Variants in OR6C75 observed in about 807,000 individuals in gnomAD.
The protein encoded by OR6C75 is olfactory receptor family 6 subfamily C member 75.
For missense variants in OR6C75, 380 were observed against 368.0 expected, an observed-to-expected ratio of 1.03 and a Z score of -0.27; for synonymous variants, 149 against 130.6, an observed-to-expected ratio of 1.14 and a Z score of -0.96.
At position 55,367,581 on chromosome 12, in the gene OR6C75, GA is replaced by G. The variant is rs1432141109; in HGVS notation, c.*1534del. ...CAAAAGTTGTATGCATTCTTCCTGA[GA>G]ACTGGAACAAGACAAGGATGTCCCC... On this transcript the variant is annotated 3_prime_UTR_variant, in exon 3 of 3. Transcript: ENST00000641576. The G allele has an allele frequency of 3.3e-5, 5 of 152,072 alleles. No individual in the cohort carries two copies. The highest frequency in any genetic ancestry group is 7.4e-5 in the Non-Finnish European group (5 of 68,026). 9.4% of individuals were successfully genotyped at this position (152,072 alleles called of 1,614,324 possible).
rs1311205447 is a variant in OR6C75 at position 55,368,983 on chromosome 12, G to T, written c.*2934G>T. 2 of 152,026 alleles carry T rather than the reference G, an allele frequency of 1.3e-5. No individual in the cohort carries two copies. The highest frequency in any genetic ancestry group is 3.8e-4 in the East Asian group (2 of 5,198). The allele number at this position is 152,026 out of a possible 1,614,324, so 9.4% of individuals were successfully genotyped here. A position where few individuals can be genotyped will look rare whatever the true frequency, so the allele number is the denominator to read the frequency against. On this transcript the variant is annotated 3_prime_UTR_variant, in exon 3 of 3. Transcript: ENST00000641576. Reference sequence around the variant, plus strand: ...TTATTGTGGCAATTTGTAAAGAAATGAGACATTGTAAGTTTGCTTTTATTA... The same window carrying T: ...TTATTGTGGCAATTTGTAAAGAAATTAGACATTGTAAGTTTGCTTTTATTA...
At chr12:55,363,119 C>A (rs1242526745) in intron 1 of OR6C75, 70 bp downstream of exon 1, 1 of 152,044 alleles carries the variant, frequency 6.6e-6, no homozygotes, top group Non-Finnish European at 1.5e-5. Context: ...TTTATGTATG[C>A]CCTTCTTGTA....
intron 1 of OR6C75, among the ~76,000 whole-genome samples, chr12:55,363,494 C>A (rs1418795664): frequency 6.6e-6 from 1 of 151,722 alleles, no homozygotes; most frequent in Non-Finnish European, 1.5e-5. Context: ...TTCTATATAC[C>A]ATTATCAGGG....
chr12:55,365,668 T>C lies in OR6C75; in HGVS notation c.558T>C (p.Ser186=). 6.2e-7 allele frequency: 1 copy of C among 1,614,178 alleles called. No individual in the cohort carries two copies. Among genetic ancestry groups the C allele is most frequent in the Non-Finnish European group, 8.5e-7 (1 of 1,180,024 alleles). ...ICDSSPMLQL[S]CTNTHFLELM... ...ACTCTTCTCCAATGCTGCAGCTCTC[T>C]TGCACAAACACTCACTTTCTAGAAC... Residue 186 remains serine, a synonymous_variant, in exon 3 of 3, where the codon TCT becomes TCC. Coordinates refer to ENST00000641576, the MANE Select transcript of OR6C75 (RefSeq NM_001005497.2).
In OR6C75 at chr12:55,365,472, G is replaced by C; in HGVS notation, c.362G>C (p.Cys121Ser). Residue 121 changes from cysteine to serine, a missense_variant, in exon 3 of 3, where the codon TGC becomes TCC. Physicochemically the swap from Cys to Ser is moderately radical, Grantham distance 112. Coordinates refer to ENST00000641576, the MANE Select transcript of OR6C75 (RefSeq NM_001005497.2). The part of the protein sequence containing the change: ...YLLAAMSYDR[C>S]MAICKPLHYT... ...CTGGCTGCCATGTCCTATGACCGCT[G>C]CATGGCCATCTGCAAACCTCTTCAT... 6.2e-7 allele frequency: 1 copy of C among 1,613,926 alleles called. No homozygotes were observed. Among genetic ancestry groups the C allele is most frequent in the Non-Finnish European group, 8.5e-7 (1 of 1,179,908 alleles).
chr12:55,364,342 T>TTTTTTTTTTTTTTTTTTTTTTTGA (rs1869741119), intron 2 of OR6C75, among the ~76,000 whole-genome samples: 1 of 115,304 alleles, frequency 8.7e-6, no homozygotes, highest in Admixed American at 9.9e-5. Context: ...TTTTTTTTTT[T>TTTTTTTTTTTTTTTTTTTTTTTGA]GACACGGAAT....
Position 55,365,933 on chromosome 12 carries a change from C to A in OR6C75, c.823C>A (p.Leu275Ile), listed in dbSNP as rs1313319933. The change falls in exon 3 of 3, where the codon CTC (leucine) becomes ATC (isoleucine). Residue 275 changes from leucine (L) to isoleucine (I), a missense_variant. By Grantham distance (5) the Leu-to-Ile change is conservative (BLOSUM62 2). Coordinates refer to ENST00000641576, the MANE Select transcript of OR6C75 (RefSeq NM_001005497.2). ...GACTTTAAGCAAAGGAGTAGCTGTG[C>A]TCAATACCTCAGTGGCTCCTCTCTT... ...RVTLSKGVAV[L>I]NTSVAPLLNP... The A allele has an allele frequency of 6.2e-7, 1 of 1,613,388 alleles. No homozygotes were observed. Among genetic ancestry groups the A allele is most frequent in the East Asian group, 2.2e-5 (1 of 44,886 alleles).
In OR6C75 at chr12:55,366,098, A is replaced by ACT. The variant is rs759247938; in HGVS notation, c.*54_*55dup. 9.1e-7 allele frequency: 1 copy of ACT among 1,095,854 alleles called. No individual in the cohort carries two copies. The highest frequency in any genetic ancestry group is 1.3e-6 in the Non-Finnish European group (1 of 765,160). 67.9% of individuals were successfully genotyped at this position (1,095,854 alleles called of 1,614,324 possible). On this transcript the variant is annotated 3_prime_UTR_variant, in exon 3 of 3. Transcript: ENST00000641576. ...CCCCAAAGGCAAAGCTGAATGAAAA[A>ACT]CTCTCTACCCTTCTCTACATGAACT...
rs147444681 is a variant in OR6C75, at chr12:55,365,320, A to T, written c.210A>T (p.Ser70=). ...GGAACTTCTCATTCCTGGAAATTTC[A>T]TTCACGTCTGTCTGCATTCCCAGAT... ...FLRNFSFLEI[S]FTSVCIPRFL... Residue 70 remains serine, a synonymous_variant, in exon 3 of 3, where the codon TCA becomes TCT. Transcript: ENST00000641576. 92 of 1,614,042 alleles carry T rather than the reference A, an allele frequency of 5.7e-5. No individual in the cohort carries two copies. In the East Asian group the frequency reaches 2.0e-3, roughly 36 times the overall value.
rs779179882 is a variant in OR6C75 at position 55,365,509 on chromosome 12, C to T, written c.399C>T (p.Ile133=). ...AICKPLHYTI[I]MSTRVCTLLV... Reference sequence around the variant, plus strand: ...GCAAACCTCTTCATTACACAATCATCATGAGCACCAGAGTGTGTACCCTTC... The same window carrying T: ...GCAAACCTCTTCATTACACAATCATTATGAGCACCAGAGTGTGTACCCTTC... The change falls in exon 3 of 3, where the codon ATC becomes ATT. Residue 133 remains isoleucine (I), a synonymous_variant. Coordinates refer to ENST00000641576, the MANE Select transcript of OR6C75 (RefSeq NM_001005497.2). 2 of 1,614,064 alleles carry T rather than the reference C, an allele frequency of 1.2e-6. No individual in the cohort carries two copies. Among genetic ancestry groups the T allele is most frequent in the Non-Finnish European group, 1.7e-6 (2 of 1,179,992 alleles).
Position 55,365,906 on chromosome 12 carries a change from G to C in OR6C75, c.796G>C (p.Val266Leu). Residue 266 changes from valine (V) to leucine (L), a missense_variant, in exon 3 of 3, where the codon GTG becomes CTG. Coordinates refer to ENST00000641576, the MANE Select transcript of OR6C75 (RefSeq NM_001005497.2). The stretch of plus-strand genomic sequence containing the variant: ...CATTAAGACTTCTGCCAGAGAAAGG[G>C]TGACTTTAAGCAAAGGAGTAGCTGT... Reference protein sequence around the residue: ...MYIKTSARERVTLSKGVAVLN... With the variant: ...MYIKTSARERLTLSKGVAVLN... 1.2e-6 allele frequency: 2 copies of C among 1,613,972 alleles called. No individual in the cohort carries two copies. Among genetic ancestry groups the C allele is most frequent in the Non-Finnish European group, 1.7e-6 (2 of 1,179,970 alleles).
chr12:55,363,624 G>A (rs1869719750), intron 1 of OR6C75, among the ~76,000 whole-genome samples, 169 bp from the exon 2 acceptor site: 1 of 151,754 alleles, frequency 6.6e-6, no homozygotes, highest in South Asian at 2.1e-4. Flanking sequence ...TTTTGAATAA[G>A]CATATCTTTC....
Position 55,365,872 on chromosome 12 carries a change from C to G in OR6C75, c.762C>G (p.Ile254Met). The change falls in exon 3 of 3, where the codon ATC becomes ATG. Residue 254 changes from isoleucine (I) to methionine (M), a missense_variant. Physicochemically the swap from Ile to Met is conservative, Grantham distance 10 (BLOSUM62 1). Transcript: ENST00000641576. ...TCTCCATCTCTTACAGTAGCTGTAT[C>G]TTCATGTACATTAAGACTTCTGCCA... is the stretch of plus-strand genomic sequence containing the variant. ...IVVSISYSSC[I>M]FMYIKTSARE... The G allele has an allele frequency of 6.2e-7, 1 of 1,613,966 alleles. No homozygotes were observed. Among genetic ancestry groups the G allele is most frequent in the Non-Finnish European group, 8.5e-7 (1 of 1,179,984 alleles).
rs1018178203 is a variant in OR6C75 at position 55,365,877 on chromosome 12, T to C, written c.767T>C (p.Met256Thr). ...VSISYSSCIF[M>T]YIKTSARERV... ...ATCTCTTACAGTAGCTGTATCTTCATGTACATTAAGACTTCTGCCAGAGAA... is the reference window on the plus strand; with the variant it reads ...ATCTCTTACAGTAGCTGTATCTTCACGTACATTAAGACTTCTGCCAGAGAA... Residue 256 changes from methionine (M) to threonine (T), a missense_variant, in exon 3 of 3, where the codon ATG becomes ACG. Physicochemically the swap from Met to Thr is moderately conservative, Grantham distance 81. Transcript: ENST00000641576. The C allele has an allele frequency of 4.1e-5, 66 of 1,613,894 alleles. No individual in the cohort carries two copies. Among genetic ancestry groups the C allele is most frequent in the Non-Finnish European group, 5.3e-5 (62 of 1,180,010 alleles).
rs1869864836 is a variant in OR6C75, at chr12:55,368,977, AG to A, written c.*2929del. 6.6e-6 allele frequency: 1 copy of A among 152,142 alleles called. No homozygotes were observed. Among genetic ancestry groups the A allele is most frequent in the South Asian group, 2.1e-4 (1 of 4,826 alleles). 9.4% of individuals were successfully genotyped at this position (152,142 alleles called of 1,614,324 possible). ...AATTCTTTATTGTGGCAATTTGTAA[AG>A]AAATGAGACATTGTAAGTTTGCTTT... On this transcript the variant is annotated 3_prime_UTR_variant, in exon 3 of 3. Transcript: ENST00000641576.
intron 1 of OR6C75, among the ~76,000 whole-genome samples, 154 bp from the exon 2 acceptor site, chr12:55,363,639 C>T (rs1216337153): frequency 6.6e-6 from 1 of 151,712 alleles, no homozygotes; most frequent in African/African-American, 2.4e-5. Context: ...TCTTTCTCCA[C>T]CCTCATTCAA....
In OR6C75 at chr12:55,365,562, T is replaced by C; in HGVS notation, c.452T>C (p.Phe151Ser). The C allele has an allele frequency of 6.2e-7, 1 of 1,614,100 alleles. No homozygotes were observed. Among genetic ancestry groups the C allele is most frequent in the African/African-American group, 1.3e-5 (1 of 75,044 alleles). ...GTCTTTAGCTCCTGGCTTGCAGGGTTTCTGATCATCTTTCCACCAGTAATG... is the reference window on the plus strand; with the variant it reads ...GTCTTTAGCTCCTGGCTTGCAGGGTCTCTGATCATCTTTCCACCAGTAATG... ...LLVFSSWLAG[F>S]LIIFPPVMLL... Residue 151 changes from phenylalanine (F) to serine (S), a missense_variant, in exon 3 of 3, where the codon TTT becomes TCT. Phe to Ser is a radical substitution (Grantham distance 155, BLOSUM62 -2). Coordinates refer to ENST00000641576, the MANE Select transcript of OR6C75 (RefSeq NM_001005497.2).
In OR6C75 at chr12:55,365,591, C is replaced by T; in HGVS notation, c.481C>T (p.Leu161=). The T allele has an allele frequency of 5.6e-6, 9 of 1,614,038 alleles. No homozygotes were observed. The highest frequency in any genetic ancestry group is 7.6e-6 in the Non-Finnish European group (9 of 1,180,006). ...FLIIFPPVML[L]LQLDFCASNV... is the part of the protein sequence containing the mutation. ...GATCATCTTTCCACCAGTAATGCTTCTGCTGCAGTTGGATTTCTGTGCCTC... is the reference window on the plus strand; with the variant it reads ...GATCATCTTTCCACCAGTAATGCTTTTGCTGCAGTTGGATTTCTGTGCCTC... The change falls in exon 3 of 3, where the codon CTG becomes TTG. Residue 161 remains leucine (L), a synonymous_variant. Coordinates refer to ENST00000641576, the MANE Select transcript of OR6C75 (RefSeq NM_001005497.2).
At position 55,365,054 on chromosome 12, in the gene OR6C75, G is replaced by T; in HGVS notation, c.-57G>T. The T allele has an allele frequency of 8.4e-7, 1 of 1,185,984 alleles. No homozygotes were observed. Among genetic ancestry groups the T allele is most frequent in the Non-Finnish European group, 1.2e-6 (1 of 827,848 alleles). 73.5% of individuals were successfully genotyped at this position (1,185,984 alleles called of 1,614,324 possible). The stretch of plus-strand genomic sequence containing the variant: ...TTCTTTACTGGTGTCATAGTTTTCT[G>T]GTTTCTTCACCTATTTTACAGCGAA... On this transcript the variant is annotated 5_prime_UTR_variant, in exon 3 of 3. Transcript: ENST00000641576.
Sources: allele counts gnomAD v4.1 joint callset (sites outside exome capture counted in the v4.1 genomes callset), GRCh38; gene constraint gnomAD v4.1.1; transcripts MANE v1.5; gene names NCBI Gene and HGNC (gene_info 2026-07-23, HGNC 2026-07-21).